The following SPOCK3 variants were observed in gnomAD, a reference collection of about 807,000 sequenced individuals.
SPOCK3 encodes testican-3.
A neutral mutation model predicts 56.6 loss-of-function variants in SPOCK3; 30 were observed. That is an observed-to-expected ratio of 0.53 (90% CI 0.40 to 0.72). The LOEUF (loss-of-function observed/expected upper bound fraction) is 0.72, where lower values mean the gene tolerates loss of function less well. Among genes scored for constraint, SPOCK3 ranks in the 30% least tolerant of loss-of-function variants. The probability of loss-of-function intolerance (pLI) is 0.00; values close to 1 mark genes in which losing one functional copy is unlikely to be tolerated. For missense variants in SPOCK3, 527 were observed against 530.0 expected (o/e 0.99, Z 0.06); for synonymous variants, 196 against 183.3 (o/e 1.07, Z -0.56).
At chr4:166,780,192 A>G (rs533546335) in intron 7 of SPOCK3, among the ~76,000 whole-genome samples, 6 of 152,282 alleles carry the variant, frequency 3.9e-5, no homozygotes, top group Admixed American at 6.5e-5. Context: ...AAAAAAAGAC[A>G]TGTGCCTCCA....
intron 2 of SPOCK3, among the ~76,000 whole-genome samples, chr4:167,116,822 T>C (rs1238441262): frequency 7.1e-6 from 1 of 141,008 alleles, no homozygotes; most frequent in Non-Finnish European, 1.5e-5. Flanking sequence ...TAGATGTATA[T>C]ATATAAAAGT....
At chr4:166,798,713 A>C (rs1232114538) in intron 6 of SPOCK3, among the ~76,000 whole-genome samples, 1 of 152,212 alleles carries the variant, frequency 6.6e-6, no homozygotes, top group East Asian at 1.9e-4. Context: ...TTCTAAGAAA[A>C]GACAGTACCC....
chr4:167,087,536 C>T (rs1398503535), intron 2 of SPOCK3, among the ~76,000 whole-genome samples: 1 of 152,150 alleles, frequency 6.6e-6, no homozygotes, highest in Non-Finnish European at 1.5e-5. Context: ...CATATCTGTT[C>T]CTTTTCCTCC....
intron 8 of SPOCK3, among the ~76,000 whole-genome samples, chr4:166,742,801 C>T (rs1170466415): frequency 1.3e-5 from 2 of 152,002 alleles, no homozygotes; most frequent in Non-Finnish European, 2.9e-5. Context: ...GGAGGACGTT[C>T]GTAGAGAAAT....
At chr4:167,068,376 T>G (rs181488961) in intron 2 of SPOCK3, among the ~76,000 whole-genome samples, 1 of 151,880 alleles carries the variant, frequency 6.6e-6, no homozygotes, top group Admixed American at 6.6e-5. Flanking sequence ...TAAATATTAA[T>G]GTATACAAAC....
At chr4:167,188,673 A>T (rs2110828059) in intron 2 of SPOCK3, among the ~76,000 whole-genome samples, 1 of 146,432 alleles carries the variant, frequency 6.8e-6, no homozygotes, top group Non-Finnish European at 1.5e-5. Context: ...AGTCAAAGCA[A>T]CCTGGTTCTT....
intron 6 of SPOCK3, among the ~76,000 whole-genome samples, chr4:166,816,244 T>G (rs1167226811): frequency 6.6e-6 from 1 of 152,132 alleles, no homozygotes; most frequent in Non-Finnish European, 1.5e-5. Context: ...TTCAAAATTT[T>G]TTAGCTTTAA....
At chr4:167,123,392 T>C (rs1161513447) in intron 2 of SPOCK3, among the ~76,000 whole-genome samples, 3 of 152,202 alleles carry the variant, frequency 2.0e-5, no homozygotes, top group Non-Finnish European at 4.4e-5. Flanking sequence ...GTGGTGTGGC[T>C]TTCTATTTCA....
At chr4:167,034,391 A>C (rs1752544352) in intron 3 of SPOCK3, among the ~76,000 whole-genome samples, 1 of 152,008 alleles carries the variant, frequency 6.6e-6, no homozygotes, top group Admixed American at 6.6e-5. Context: ...GACTCAACTG[A>C]TACAAGGTCG....
intron 4 of SPOCK3, among the ~76,000 whole-genome samples, chr4:166,993,517 T>G (rs1339986031): frequency 6.6e-6 from 1 of 152,204 alleles, no homozygotes; most frequent in African/African-American, 2.4e-5. Flanking sequence ...TTTAAGCATC[T>G]GTCTCACATT....
chr4:166,736,741 G>A (rs1247805686), intron 10 of SPOCK3, among the ~76,000 whole-genome samples: 1 of 151,634 alleles, frequency 6.6e-6, no homozygotes, highest in Admixed American at 6.6e-5. Context: ...CTACAATGAG[G>A]TGGCTTTTGT....
At chr4:167,184,564 C>T (rs1458498418) in intron 2 of SPOCK3, among the ~76,000 whole-genome samples, 1 of 152,152 alleles carries the variant, frequency 6.6e-6, no homozygotes, top group Non-Finnish European at 1.5e-5. Context: ...ATATTGTCAT[C>T]TCCATTTTAT....
chr4:167,054,686 C>G (rs1459479484), intron 3 of SPOCK3, among the ~76,000 whole-genome samples: 1 of 152,040 alleles, frequency 6.6e-6, no homozygotes, highest in Non-Finnish European at 1.5e-5. Context: ...TTTATTTCCC[C>G]AAAACTCTTA....
intron 5 of SPOCK3, among the ~76,000 whole-genome samples, chr4:166,891,746 T>C (rs1000102506): frequency 4.7e-4 from 72 of 152,136 alleles, no homozygotes; most frequent in African/African-American, 1.7e-3. Flanking sequence ...GTATCTTCTG[T>C]TAACTTAATA....
chr4:167,043,633 T>C (rs758375182), intron 3 of SPOCK3, among the ~76,000 whole-genome samples: 6 of 152,022 alleles, frequency 3.9e-5, no homozygotes, highest in Admixed American at 1.3e-4. Flanking sequence ...TTATACATAG[T>C]TTTTATCATG....
At chr4:167,122,204 A>T (rs1326388835) in intron 2 of SPOCK3, among the ~76,000 whole-genome samples, 2 of 150,336 alleles carry the variant, frequency 1.3e-5, no homozygotes, top group Non-Finnish European at 2.9e-5. Flanking sequence ...TCTAGAATAC[A>T]GTGGTGCAAG....
intron 3 of SPOCK3, among the ~76,000 whole-genome samples, chr4:167,058,231 G>A (rs1175594462): frequency 6.6e-6 from 1 of 152,172 alleles, no homozygotes; most frequent in African/African-American, 2.4e-5. Flanking sequence ...CAGATGACAT[G>A]ATTGTATATC....
At chr4:166,952,432 G>A (rs938981961) in intron 4 of SPOCK3, among the ~76,000 whole-genome samples, 1 of 152,158 alleles carries the variant, frequency 6.6e-6, no homozygotes, top group Non-Finnish European at 1.5e-5. Flanking sequence ...GGAAATAAAA[G>A]AGGATACAAA....
At chr4:167,018,910 G>T (rs1383908164) in intron 3 of SPOCK3, among the ~76,000 whole-genome samples, 1 of 151,886 alleles carries the variant, frequency 6.6e-6, no homozygotes, top group Non-Finnish European at 1.5e-5. Flanking sequence ...AATTTCCATT[G>T]ATATTTATCA....
Sources: allele counts gnomAD v4.1 joint callset (sites outside exome capture counted in the v4.1 genomes callset), GRCh38; gene constraint gnomAD v4.1.1; transcripts MANE v1.5; gene names NCBI Gene and HGNC (gene_info 2026-07-23, HGNC 2026-07-21).